PLS3: variants seen among roughly 807,000 people sequenced by gnomAD.
PLS3 encodes plastin-3.
PLS3 carries 11 observed loss-of-function variants against 46.5 expected under a neutral mutation model. The ratio of observed to expected loss-of-function variants is 0.24; its 90% confidence interval spans 0.15 to 0.39. The LOEUF is 0.39. Among genes scored for constraint, PLS3 ranks in the 10% least tolerant of loss-of-function variants. The pLI is 1.00. For missense variants in PLS3, 308 were observed against 461.8 expected, an observed-to-expected ratio of 0.67 and a Z score of 3.05; for synonymous variants, 167 against 162.2, an observed-to-expected ratio of 1.03 and a Z score of -0.22.
chrX:115,649,462 C>T lies in PLS3; in HGVS notation c.1794C>T (p.Ala598=). The part of the protein sequence containing the change: ...YAVSMARRIG[A]RVYALPEDLV... ...TGTCAATGGCTAGAAGAATCGGAGC[C>T]AGAGTGTATGCTCTCCCTGAAGACC... The change falls in exon 16 of 16, where the codon GCC becomes GCT. Residue 598 remains alanine, a synonymous_variant. Transcript: ENST00000355899. 1 of 1,205,221 alleles carries T rather than the reference C, an allele frequency of 8.3e-7. No individual in the cohort carries two copies. Among genetic ancestry groups the T allele is most frequent in the Non-Finnish European group, 1.1e-6 (1 of 890,201 alleles).
intron 8 of PLS3, chrX:115,640,194 G>A (rs2074880740): frequency 1.4e-5 from 12 of 870,601 alleles, no homozygotes; most frequent in Admixed American, 8.6e-5. Flanking sequence ...TAATAATTGC[G>A]AAGTCATGTC....
chrX:115,564,762 T>C (rs2074162132), intron 1 of PLS3, among the ~76,000 whole-genome samples: 1 of 112,429 alleles, frequency 8.9e-6, no homozygotes, highest in South Asian at 3.6e-4. Flanking sequence ...CTGTTTCTTT[T>C]TTGATGTTTG....
chrX:115,596,128 T>C (rs1260110052), intron 1 of PLS3, among the ~76,000 whole-genome samples: 1 of 112,162 alleles, frequency 8.9e-6, no homozygotes, highest in Non-Finnish European at 1.9e-5. Context: ...AGTTTTTTAG[T>C]ATCTTGAAGT....
At chrX:115,590,747 G>A (rs1556632975) in intron 1 of PLS3, among the ~76,000 whole-genome samples, 1 of 111,800 alleles carries the variant, frequency 8.9e-6, no homozygotes, top group East Asian at 2.8e-4. Context: ...TGGAACCCGG[G>A]AGGCGGAGGT....
intron 1 of PLS3, among the ~76,000 whole-genome samples, chrX:115,601,690 G>C (rs114572705): frequency 0.028 from 3,043 of 110,426 alleles, 114 homozygotes; most frequent in African/African-American, 0.095. Context: ...GACATGAGGT[G>C]ATAAACAGAT....
chrX:115,610,399 C>A, intron 2 of PLS3, 76 bp downstream of exon 2: 1 of 486,229 alleles, frequency 2.1e-6, no homozygotes, highest in South Asian at 4.7e-5. Context: ...ATAAATATCA[C>A]ATGAATGGTT....
At chrX:115,624,227 C>CAAAAAAA (rs1211607990) in intron 3 of PLS3, 1 of 12,634 alleles carries the variant, frequency 7.9e-5, no homozygotes, top group Non-Finnish European at 1.8e-4. Flanking sequence ...GACTCCGTCT[C>CAAAAAAA]AAAAAAAAAA....
intron 1 of PLS3, among the ~76,000 whole-genome samples, chrX:115,568,029 C>T (rs184945858): frequency 9.0e-6 from 1 of 111,661 alleles, no homozygotes; most frequent in Non-Finnish European, 1.9e-5. Flanking sequence ...CTGAAAATAA[C>T]GCTTTCATTC....
In PLS3 at chrX:115,648,008, A is replaced by G. The variant is rs781908458; in HGVS notation, c.1751A>G (p.Asn584Ser). Reference protein sequence around the residue: ...SGNLTEDDKHNNAKYAVSMAR... With the variant: ...SGNLTEDDKHSNAKYAVSMAR... ...AATCTAACAGAAGATGACAAGCACA[A>G]TAATGCCAAGTAAGGGAGACTGCTA... Residue 584 changes from asparagine (N) to serine (S), a missense_variant, in exon 15 of 16, where the codon AAT (asparagine) becomes AGT (serine). Physicochemically the swap from Asn to Ser is conservative, Grantham distance 46. Coordinates refer to ENST00000355899, the MANE Select transcript of PLS3 (RefSeq NM_005032.7). The G allele has an allele frequency of 3.4e-6, 4 of 1,189,816 alleles. No homozygotes were observed. The South Asian group carries it at 5.3e-5, about 16-fold the overall frequency.
intron 10 of PLS3, 102 bp downstream of exon 10, chrX:115,643,610 C>CTTCTTGTAGATAT: frequency 2.1e-6 from 1 of 469,406 alleles, no homozygotes; most frequent in Non-Finnish European, 3.6e-6. Context: ...TTTATATCTA[C>CTTCTTGTAGATAT]AAGAAGTAGA....
intron 1 of PLS3, among the ~76,000 whole-genome samples, chrX:115,602,612 GATCAT>G (rs2074455681): frequency 9.0e-6 from 1 of 111,338 alleles, no homozygotes; most frequent in African/African-American, 3.3e-5. Flanking sequence ...CCCCTTTTCT[GATCAT>G]TCTTGAACTG....
chrX:115,629,592 T>C (rs1021518589), intron 4 of PLS3, among the ~76,000 whole-genome samples: 11 of 111,852 alleles, frequency 9.8e-5, no homozygotes, highest in Non-Finnish European at 1.3e-4. Flanking sequence ...AATATAAATA[T>C]AATTTTTAAG....
chrX:115,566,485 T>G (rs1301534317), intron 1 of PLS3, among the ~76,000 whole-genome samples: 2 of 109,315 alleles, frequency 1.8e-5, no homozygotes, highest in Non-Finnish European at 3.8e-5. Context: ...TCCTCCCGGG[T>G]TCAGGCCATT....
At chrX:115,620,275 C>T (rs782123195) in intron 2 of PLS3, among the ~76,000 whole-genome samples, 2 of 110,880 alleles carry the variant, frequency 1.8e-5, no homozygotes, top group Non-Finnish European at 1.9e-5. Context: ...TTACTTTTCC[C>T]GAAACACACC....
intron 1 of PLS3, among the ~76,000 whole-genome samples, chrX:115,598,947 A>G (rs1490838352): frequency 9.0e-6 from 1 of 111,703 alleles, no homozygotes; most frequent in Non-Finnish European, 1.9e-5. Flanking sequence ...TATATTCTGT[A>G]TGTTTTATAC....
At chrX:115,589,920 G>A (rs1156860613) in intron 1 of PLS3, among the ~76,000 whole-genome samples, 2 of 111,940 alleles carry the variant, frequency 1.8e-5, no homozygotes, top group African/African-American at 6.5e-5. Flanking sequence ...GTGCAGTGGT[G>A]CAATCTCTGC....
chrX:115,642,580 G>A (rs1556641151), intron 9 of PLS3, among the ~76,000 whole-genome samples: 1 of 111,297 alleles, frequency 9.0e-6, no homozygotes, highest in Non-Finnish European at 1.9e-5. Context: ...GAGGTTCCAG[G>A]GTTCCAAGGA....
intron 1 of PLS3, among the ~76,000 whole-genome samples, chrX:115,562,147 C>T (rs1269534812): frequency 1.8e-5 from 2 of 110,664 alleles, no homozygotes; most frequent in African/African-American, 6.6e-5. Context: ...CCCGCCCTTT[C>T]CCCGCACAGC....
At chrX:115,630,877 GTA>G (rs1183698847) in intron 5 of PLS3, among the ~76,000 whole-genome samples, 225 of 91,122 alleles carry the variant, frequency 2.5e-3, no homozygotes, top group Non-Finnish European at 3.5e-3. Flanking sequence ...ATGTATATAT[GTA>G]TATATATGTA....
Sources: allele counts gnomAD v4.1 joint callset (sites outside exome capture counted in the v4.1 genomes callset), GRCh38; gene constraint gnomAD v4.1.1; transcripts MANE v1.5; gene names NCBI Gene and HGNC (gene_info 2026-07-23, HGNC 2026-07-21).